The following PAPOLA variants were observed in gnomAD, a reference collection of about 807,000 sequenced individuals.
PAPOLA encodes polynucleotide adenylyltransferase alpha.
Under a neutral mutation model 100.6 loss-of-function variants are expected in PAPOLA, and 15 were observed. The observed-to-expected ratio is 0.15, with a 90% CI of 0.10 to 0.23. The LOEUF is 0.23. Ranked by LOEUF, PAPOLA falls within the 10% of genes least tolerant of loss-of-function variation. The pLI is 1.00. For synonymous variants in PAPOLA, 293 were observed against 300.0 expected (o/e 0.98, Z 0.24); for missense variants, 533 against 884.2 (o/e 0.60, Z 5.04).
chr14:96,507,959 C>G (rs113544805), intron 1 of PAPOLA, among the ~76,000 whole-genome samples: 1 of 152,038 alleles, frequency 6.6e-6, no homozygotes. Context: ...CACTGCAACC[C>G]CTGCATCCCA....
intron 1 of PAPOLA, among the ~76,000 whole-genome samples, chr14:96,509,686 C>T (rs750388630): frequency 6.6e-6 from 1 of 152,172 alleles, no homozygotes; most frequent in Non-Finnish European, 1.5e-5. Flanking sequence ...CCTGTGGCAG[C>T]ATGTTACTGT....
chr14:96,548,659 T>G (rs1039570952), intron 16 of PAPOLA, among the ~76,000 whole-genome samples: 2 of 152,226 alleles, frequency 1.3e-5, no homozygotes, highest in African/African-American at 4.8e-5. Context: ...CATGTATGTA[T>G]GTATCACTTG....
intron 17 of PAPOLA, among the ~76,000 whole-genome samples, chr14:96,553,774 A>C (rs972434385): frequency 6.6e-6 from 1 of 152,148 alleles, no homozygotes; most frequent in African/African-American, 2.4e-5. Flanking sequence ...GGCCTCCCCA[A>C]AGTGCCAGGA....
At chr14:96,558,652 T>C (rs1901558101) in intron 19 of PAPOLA, among the ~76,000 whole-genome samples, 2 of 152,172 alleles carry the variant, frequency 1.3e-5, no homozygotes, top group Admixed American at 6.5e-5. Context: ...GCTTCTGTTA[T>C]AATTAACTCT....
At chr14:96,548,792 C>G (rs1035337835) in intron 16 of PAPOLA, among the ~76,000 whole-genome samples, 3 of 151,980 alleles carry the variant, frequency 2.0e-5, no homozygotes, top group Non-Finnish European at 2.9e-5. Flanking sequence ...GGCTGGTTGT[C>G]TGGGATTGGG....
chr14:96,508,803 G>A (rs574492612), intron 1 of PAPOLA, among the ~76,000 whole-genome samples: 10 of 152,130 alleles, frequency 6.6e-5, no homozygotes, highest in Admixed American at 2.0e-4. Flanking sequence ...TTAAATAATT[G>A]GACAATGCCA....
intron 1 of PAPOLA, among the ~76,000 whole-genome samples, chr14:96,505,193 G>A (rs1413011500): frequency 6.6e-6 from 1 of 152,072 alleles, no homozygotes; most frequent in African/African-American, 2.4e-5. Flanking sequence ...TTCCTTGCAG[G>A]TGCCTGTCCT....
Position 96,527,453 on chromosome 14 carries a change from G to A in PAPOLA, c.355G>A (p.Val119Ile). 1 of 1,611,172 alleles carries A rather than the reference G, an allele frequency of 6.2e-7. No homozygotes were observed. Among genetic ancestry groups the A allele is most frequent in the Non-Finnish European group, 8.5e-7 (1 of 1,177,450 alleles). Residue 119 changes from valine (V) to isoleucine (I), a missense_variant, in exon 5 of 22, where the codon GTT (valine) becomes ATT (isoleucine). Physicochemically the swap from Val to Ile is conservative, Grantham distance 29 (BLOSUM62 3). Transcript: ENST00000216277. ...TKGADIDALC[V>I]APRHVDRSDF... The stretch of plus-strand genomic sequence containing the variant: ...AGGTGCTGATATTGATGCGTTGTGT[G>A]TTGCACCAAGACATGTTGATCGAAG...
In PAPOLA at chr14:96,527,970, C is replaced by T. The variant is rs551694266; in HGVS notation, c.459C>T (p.Phe153=). The part of the protein sequence containing the change: ...VKDLRAVEEA[F]VPVIKLCFDG... Reference sequence around the variant, plus strand: ...CCTTATAGGCTGTTGAAGAGGCATTCGTACCAGTTATTAAACTCTGTTTTG... The same window carrying T: ...CCTTATAGGCTGTTGAAGAGGCATTTGTACCAGTTATTAAACTCTGTTTTG... The change falls in exon 6 of 22, where the codon TTC becomes TTT. Residue 153 remains phenylalanine (F), a synonymous_variant. Transcript: ENST00000216277. The T allele has an allele frequency of 6.2e-6, 10 of 1,608,304 alleles. No homozygotes were observed. The highest frequency in any genetic ancestry group is 1.7e-4 in the Middle Eastern group (1 of 6,048).
At position 96,512,851 on chromosome 14, in the gene PAPOLA, AT is replaced by A. The variant is rs1187307298; in HGVS notation, c.9-7202del. Among the ~76,000 whole-genome samples, 4 of 152,336 alleles carry A rather than the reference AT, an allele frequency of 2.6e-5. No individual in the cohort carries two copies. In the South Asian group the frequency reaches 8.3e-4, roughly 32 times the overall value. ...TGTTAGTTCTGTGAGAAAGGTTCAA[AT>A]TCCAGAACCTATGAGATCAAGAGAG... On this transcript the variant is annotated intron_variant, in intron 1 of 21. Transcript: ENST00000216277.
At chr14:96,522,116 CTTTTTTTTTTTTTTT>C (rs754167531) in intron 3 of PAPOLA, among the ~76,000 whole-genome samples, 1 of 57,842 alleles carries the variant, frequency 1.7e-5, no homozygotes, top group Admixed American at 2.0e-4. Flanking sequence ...TTCTTTCTTT[CTTTTTTTTTTTTTTT>C]TTTTTTTTTT....
rs1899300270 is a variant in PAPOLA, at chr14:96,533,994, G to T, written c.837-497G>T. The T allele has an allele frequency of 7.1e-6, 7 of 986,158 alleles. No homozygotes were observed. The South Asian group carries it at 2.8e-4, about 40-fold the overall frequency. The allele number at this position is 986,158 out of a possible 1,614,324, so 61.1% of individuals were successfully genotyped here. A position where few individuals can be genotyped will look rare whatever the true frequency, so the allele number is the denominator to read the frequency against. On this transcript the variant is annotated intron_variant, in intron 9 of 21. Coordinates refer to ENST00000216277, the MANE Select transcript of PAPOLA (RefSeq NM_032632.5). ...AGTAGCTAGTTTATGGAACACATAT[G>T]AAAATGTGGTTATGCCACCAAGTTT...
chr14:96,530,663 G>A (rs545816755), intron 6 of PAPOLA, among the ~76,000 whole-genome samples: 6 of 151,966 alleles, frequency 3.9e-5, no homozygotes, highest in South Asian at 4.1e-4. Flanking sequence ...TGGGACTACC[G>A]GCGGGAGCCA....
At chr14:96,528,929 AATAATCTGTAAT>A (rs1458117467) in intron 6 of PAPOLA, among the ~76,000 whole-genome samples, 3 of 152,324 alleles carry the variant, frequency 2.0e-5, no homozygotes, top group Admixed American at 1.3e-4. Flanking sequence ...TAAACGTAAA[AATAATCTGTAAT>A]ATAAAGTATA....
At chr14:96,533,463 A>G in intron 9 of PAPOLA, 2 of 984,268 alleles carry the variant, frequency 2.0e-6, no homozygotes, top group South Asian at 4.7e-5. Flanking sequence ...ACCATGCCAC[A>G]CTTTTCAGTA....
At chr14:96,525,981 T>G (rs1898438539) in intron 4 of PAPOLA, 1 of 152,174 alleles carries the variant, frequency 6.6e-6, no homozygotes, top group African/African-American at 2.4e-5. Flanking sequence ...AATTCTAGCT[T>G]TTAAGAAAAC....
At chr14:96,541,956 A>G (rs180823228) in intron 12 of PAPOLA, 8 of 216,258 alleles carry the variant, frequency 3.7e-5, no homozygotes, top group African/African-American at 6.9e-5. Context: ...AGAGCACTCA[A>G]TCGGTGTCAT....
intron 19 of PAPOLA, among the ~76,000 whole-genome samples, chr14:96,557,672 T>C (rs1476264437): frequency 6.6e-6 from 1 of 151,794 alleles, no homozygotes; most frequent in African/African-American, 2.4e-5. Flanking sequence ...GATTCTATTA[T>C]GTTTTGATTA....
chr14:96,533,699 C>A, intron 9 of PAPOLA: 1 of 313,312 alleles, frequency 3.2e-6, no homozygotes, highest in Non-Finnish European at 4.6e-6. Flanking sequence ...GGACTACAAG[C>A]GCCTGCCACC....
Sources: allele counts gnomAD v4.1 joint callset (sites outside exome capture counted in the v4.1 genomes callset), GRCh38; gene constraint gnomAD v4.1.1; transcripts MANE v1.5; gene names NCBI Gene and HGNC (gene_info 2026-07-23, HGNC 2026-07-21).